The following FMNL2 variants were observed in gnomAD, a reference collection of about 807,000 sequenced individuals.
FMNL2 encodes formin like 2.
In FMNL2, 51 loss-of-function variants were observed where a neutral mutation model predicts 130.2. The ratio of observed to expected loss-of-function variants is 0.39; its 90% confidence interval spans 0.31 to 0.49. The LOEUF (loss-of-function observed/expected upper bound fraction) is 0.49. Among genes scored for constraint, FMNL2 ranks in the 20% least tolerant of loss-of-function variants. The pLI, the probability that FMNL2 is intolerant of heterozygous loss-of-function variation, is 0.85. For synonymous variants in FMNL2, 465 were observed against 467.1 expected (o/e 1.00, Z 0.06); for missense variants, 977 against 1,316.2 (o/e 0.74, Z 3.99).
intron 1 of FMNL2, among the ~76,000 whole-genome samples, chr2:152,489,568 A>G (rs767322737): frequency 1.3e-5 from 2 of 152,238 alleles, no homozygotes; most frequent in Non-Finnish European, 2.9e-5. Flanking sequence ...TAGAGCTGCT[A>G]GGCACTGGAT....
At chr2:152,500,903 T>C (rs1209016351) in intron 1 of FMNL2, among the ~76,000 whole-genome samples, 1 of 152,184 alleles carries the variant, frequency 6.6e-6, no homozygotes, top group African/African-American at 2.4e-5. Context: ...ATTTGTAAAA[T>C]CTGCCTGGAT....
intron 6 of FMNL2, among the ~76,000 whole-genome samples, chr2:152,570,021 G>T (rs370032447): frequency 1.1e-5 from 1 of 93,830 alleles, no homozygotes; most frequent in Admixed American, 9.8e-5. Flanking sequence ...AAAAAAAAAA[G>T]AAAAGAAAAG....
intron 9 of FMNL2, among the ~76,000 whole-genome samples, chr2:152,588,328 A>G (rs146392596): frequency 1.3e-5 from 2 of 152,258 alleles, no homozygotes; most frequent in East Asian, 3.9e-4. Flanking sequence ...TTCTCTTGAC[A>G]CATTGCCTTT....
At chr2:152,404,562 C>G (rs1199262119) in intron 1 of FMNL2, among the ~76,000 whole-genome samples, 1 of 151,996 alleles carries the variant, frequency 6.6e-6, no homozygotes, top group African/African-American at 2.4e-5. Context: ...TTTGGAGTGA[C>G]CTGGAATTCT....
intron 16 of FMNL2, 52 bp from the exon 17 acceptor site, chr2:152,626,473 C>T: frequency 1.3e-6 from 2 of 1,485,170 alleles, no homozygotes; most frequent in East Asian, 4.9e-5. Flanking sequence ...GGCTTCCGGA[C>T]TTCATTTTTA....
At chr2:152,634,036 G>A (rs1682374960) in intron 21 of FMNL2, among the ~76,000 whole-genome samples, 1 of 152,222 alleles carries the variant, frequency 6.6e-6, no homozygotes, top group Non-Finnish European at 1.5e-5. Context: ...TGATAAGACA[G>A]TGTGAGTCTA....
chr2:152,607,313 A>C, intron 9 of FMNL2, 26 bp from the exon 10 acceptor site: 2 of 1,603,440 alleles, frequency 1.2e-6, no homozygotes, highest in South Asian at 1.1e-5. Flanking sequence ...AGAAAGTCAC[A>C]TGCACAATGA....
chr2:152,398,125 GA>G (rs989457834), intron 1 of FMNL2, among the ~76,000 whole-genome samples: 1 of 151,590 alleles, frequency 6.6e-6, no homozygotes, highest in South Asian at 2.1e-4. Context: ...ACTCCATCTC[GA>G]AAAAAAATAA....
At chr2:152,406,802 T>TTTC (rs1373502017) in intron 1 of FMNL2, among the ~76,000 whole-genome samples, 1 of 152,244 alleles carries the variant, frequency 6.6e-6, no homozygotes, top group Admixed American at 6.5e-5. Context: ...TTCTTACTGA[T>TTTC]TTAGAAAAGT....
At chr2:152,623,198 C>A (rs10048775) in intron 15 of FMNL2, among the ~76,000 whole-genome samples, 28,448 of 152,106 alleles carry the variant, frequency 0.19, 3,442 homozygotes, top group Non-Finnish European at 0.28. Context: ...GAAGGTAGGA[C>A]GCCATTGGCA....
intron 1 of FMNL2, among the ~76,000 whole-genome samples, chr2:152,519,098 G>T (rs116185901): frequency 0.015 from 2,209 of 152,068 alleles, 57 homozygotes; most frequent in African/African-American, 0.051. Context: ...GGCTTCCCTT[G>T]TTCACTGTGC....
At chr2:152,394,555 C>G (rs1175643965) in intron 1 of FMNL2, among the ~76,000 whole-genome samples, 3 of 150,936 alleles carry the variant, frequency 2.0e-5, no homozygotes, top group Non-Finnish European at 4.4e-5. Context: ...ACAGGAAATT[C>G]AGAACTCTTA....
intron 10 of FMNL2, among the ~76,000 whole-genome samples, chr2:152,608,287 A>C (rs1280756043): frequency 2.7e-5 from 4 of 150,178 alleles, no homozygotes; most frequent in African/African-American, 7.4e-5. Context: ...ATGCCAAGTG[A>C]ATTTTTCATT....
chr2:152,540,910 C>A (rs977059711), intron 2 of FMNL2, among the ~76,000 whole-genome samples: 8 of 152,248 alleles, frequency 5.3e-5, no homozygotes, highest in Non-Finnish European at 1.0e-4. Flanking sequence ...ATTTTAAAAT[C>A]TACAAGCAAG....
At chr2:152,449,456 G>C (rs1217953869) in intron 1 of FMNL2, among the ~76,000 whole-genome samples, 1 of 152,094 alleles carries the variant, frequency 6.6e-6, no homozygotes, top group Non-Finnish European at 1.5e-5. Flanking sequence ...CCTTAAAATA[G>C]TCTGTAGTTT....
intron 7 of FMNL2, among the ~76,000 whole-genome samples, chr2:152,576,927 T>C (rs1324088425): frequency 6.6e-6 from 1 of 152,154 alleles, no homozygotes. Flanking sequence ...TTTGATTATG[T>C]AGAGCTTTAG....
intron 2 of FMNL2, among the ~76,000 whole-genome samples, chr2:152,536,872 G>A (rs772309133): frequency 3.3e-5 from 5 of 152,172 alleles, no homozygotes; most frequent in South Asian, 4.1e-4. Flanking sequence ...TTTATGGAGC[G>A]GAAATGCTTA....
intron 25 of FMNL2, among the ~76,000 whole-genome samples, chr2:152,646,440 G>A (rs1683572516): frequency 6.6e-6 from 1 of 152,166 alleles, no homozygotes; most frequent in African/African-American, 2.4e-5. Context: ...TGAACCTAGA[G>A]CACAGATCTT....
In FMNL2 at chr2:152,619,159, G is replaced by A. The variant is rs367565566; in HGVS notation, c.1627+1G>A. On this transcript the variant is annotated splice_donor_variant, in intron 14 of 25. Coordinates refer to ENST00000288670, the MANE Select transcript of FMNL2 (RefSeq NM_052905.4). LOFTEE classifies it high-confidence loss of function. ...CCCTCATCAGACACACCTGAAACAG[G>A]TAAGAAGCCTTGGCAGGAGGACTGA... 6.5e-6 allele frequency: 10 copies of A among 1,547,836 alleles called. 1 individual carries two copies. Among genetic ancestry groups the A allele is most frequent in the Non-Finnish European group, 7.8e-6 (9 of 1,151,286 alleles).
Sources: gnomAD v4.1 joint callset for allele counts (sites outside exome capture counted in the v4.1 genomes callset) on GRCh38, gnomAD v4.1.1 for gene constraint, MANE v1.5 for transcripts, NCBI Gene and HGNC (gene_info 2026-07-23, HGNC 2026-07-21) for gene names.